Variants in ABCA13 observed in about 807,000 individuals in gnomAD.
ABCA13 encodes ATP-binding cassette sub-family A member 13.
A neutral mutation model predicts 478.7 loss-of-function variants in ABCA13; 476 were observed. The ratio of observed to expected loss-of-function variants is 0.99; its 90% CI spans 0.92 to 1.07. The LOEUF is 1.07. ABCA13 is among the 50% of genes least tolerant of loss of function. The pLI is 0.00. For missense variants in ABCA13, 6,060 were observed against 5,910.6 expected, an observed-to-expected ratio of 1.03 and a Z score of -0.83; for synonymous variants, 2,252 against 2,158.9, an observed-to-expected ratio of 1.04 and a Z score of -1.20.
intron 45 of ABCA13, among the ~76,000 whole-genome samples, chr7:48,477,485 C>T (rs1828242732): frequency 6.6e-6 from 1 of 151,386 alleles, no homozygotes; most frequent in Non-Finnish European, 1.5e-5. Flanking sequence ...GACTTGGAAC[C>T]AACCCAAATG....
rs531614781 is a variant in ABCA13, at chr7:48,190,238, C to T, written c.70-2721C>T. 1.6e-4 allele frequency among the ~76,000 whole-genome samples: 25 copies of T among 152,208 alleles called. No homozygotes were observed. The East Asian group carries it at 1.7e-3, about 11-fold the overall frequency. ...AATCCCATTTGGCAATGGTACCTCA[C>T]GGATCTACTTACAAAAGTCAGCCAA... On this transcript the variant is annotated intron_variant, in intron 1 of 61. Transcript: ENST00000435803.
At chr7:48,622,356 A>G (rs1035881367) in intron 59 of ABCA13, among the ~76,000 whole-genome samples, 1 of 152,058 alleles carries the variant, frequency 6.6e-6, no homozygotes, top group African/African-American at 2.4e-5. Flanking sequence ...CACCTGTGCC[A>G]TTTTCCTCTT....
intron 27 of ABCA13, among the ~76,000 whole-genome samples, chr7:48,323,387 A>G (rs1419168679): frequency 5.9e-5 from 9 of 152,218 alleles, no homozygotes; most frequent in Admixed American, 2.0e-4. Flanking sequence ...CTGGTGTTAA[A>G]TATACAAGGG....
intron 55 of ABCA13, among the ~76,000 whole-genome samples, chr7:48,554,822 T>A (rs1481682239): frequency 6.8e-5 from 10 of 147,368 alleles, no homozygotes; most frequent in South Asian, 2.1e-4. Flanking sequence ...ATTATTATTA[T>A]TTATTATTAT....
chr7:48,537,241 A>C (rs1833644387), intron 55 of ABCA13, among the ~76,000 whole-genome samples: 1 of 152,070 alleles, frequency 6.6e-6, no homozygotes, highest in Non-Finnish European at 1.5e-5. Context: ...TTTTTGATTT[A>C]AGTGTTTTTT....
Position 48,626,687 on chromosome 7 carries a change from A to G in ABCA13, c.14837+11310A>G. 4.1e-6 allele frequency: 4 copies of G among 985,480 alleles called. 1 individual carries two copies. Among genetic ancestry groups the G allele is most frequent in the South Asian group, 9.4e-5 (2 of 21,280 alleles). 61.0% of individuals were successfully genotyped at this position (985,480 alleles called of 1,614,324 possible). A position where few individuals can be genotyped will look rare whatever the true frequency, so the allele number is the denominator to read the frequency against. On this transcript the variant is annotated intron_variant, in intron 59 of 61. Transcript: ENST00000435803. Reference sequence around the variant, plus strand: ...GGTGCAGGAGACGCTGAAGAACACGATAATAGAACTTTACAGCCGGCTGAT... The same window carrying G: ...GGTGCAGGAGACGCTGAAGAACACGGTAATAGAACTTTACAGCCGGCTGAT...
At position 48,273,017 on chromosome 7, in the gene ABCA13, GTC is replaced by G. The variant is rs1457548483; in HGVS notation, c.3353_3354del (p.Ser1118PhefsTer38). On this transcript the variant is annotated frameshift_variant, in exon 17 of 62. Coordinates refer to ENST00000435803, the MANE Select transcript of ABCA13 (RefSeq NM_152701.5). LOFTEE classifies it high-confidence loss of function. ...SSVNYSTSEE[S>X]SFVFPLAQIF... is the part of the protein sequence containing the mutation. ...CCGTAAATTATTCAACAAGTGAGGA[GTC>G]TTCATTTGTTTTTCCATTGGCACAA... 6.2e-7 allele frequency: 1 copy of G among 1,613,658 alleles called. No individual in the cohort carries two copies. Among genetic ancestry groups the G allele is most frequent in the South Asian group, 1.1e-5 (1 of 91,072 alleles).
chr7:48,403,872 C>T lies in ABCA13; in HGVS notation c.12063C>T (p.Tyr4021=). The T allele has an allele frequency of 1.2e-6, 2 of 1,612,958 alleles. No individual in the cohort carries two copies. The highest frequency in any genetic ancestry group is 8.5e-7 in the Non-Finnish European group (1 of 1,179,452). The part of the protein sequence containing the change: ...RHSLWDILLK[Y]REGRTIIFTT... ...GCCTGTGGGACATTCTGCTCAAGTACCGAGAAGGTAGGCACTGGGCCTCAT... is the reference window on the plus strand; with the variant it reads ...GCCTGTGGGACATTCTGCTCAAGTATCGAGAAGGTAGGCACTGGGCCTCAT... The change falls in exon 39 of 62, where the codon TAC becomes TAT. Residue 4021 remains tyrosine (Y), a synonymous_variant. Coordinates refer to ENST00000435803, the MANE Select transcript of ABCA13 (RefSeq NM_152701.5).
intron 24 of ABCA13, among the ~76,000 whole-genome samples, chr7:48,312,349 A>G (rs895106975): frequency 6.6e-6 from 1 of 152,202 alleles, no homozygotes; most frequent in Non-Finnish European, 1.5e-5. Flanking sequence ...ATATTTATTG[A>G]GCAACTAATA....
intron 43 of ABCA13, among the ~76,000 whole-genome samples, chr7:48,464,608 T>C (rs985590394): frequency 5.3e-5 from 8 of 152,200 alleles, no homozygotes; most frequent in African/African-American, 1.2e-4. Context: ...GCATTTCTTC[T>C]CAATTAAATT....
At chr7:48,323,851 C>G (rs111379418) in intron 27 of ABCA13, among the ~76,000 whole-genome samples, 2,443 of 152,280 alleles carry the variant, frequency 0.016, 33 homozygotes, top group Middle Eastern at 0.058. Flanking sequence ...TTTCCCCATA[C>G]TGTTCTCGTG....
chr7:48,384,746 A>G (rs2129047962), intron 35 of ABCA13, among the ~76,000 whole-genome samples: 1 of 152,330 alleles, frequency 6.6e-6, no homozygotes, highest in South Asian at 2.1e-4. Context: ...GGTGGCTCAA[A>G]CAACAGGAAT....
At chr7:48,508,858 G>T (rs181104947) in intron 50 of ABCA13, among the ~76,000 whole-genome samples, 5 of 152,258 alleles carry the variant, frequency 3.3e-5, no homozygotes, top group Non-Finnish European at 5.9e-5. Context: ...TTCCTGTAAG[G>T]TTTATTTCTT....
At chr7:48,244,760 A>G in intron 11 of ABCA13, 57 bp downstream of exon 11, 1 of 1,523,784 alleles carries the variant, frequency 6.6e-7, no homozygotes, top group Non-Finnish European at 8.8e-7. Flanking sequence ...TGTGAAATTT[A>G]TTGGAAAATG....
chr7:48,338,035 G>A (rs1333237044), intron 28 of ABCA13, among the ~76,000 whole-genome samples: 1 of 152,128 alleles, frequency 6.6e-6, no homozygotes, highest in East Asian at 1.9e-4. Context: ...GCCATGCAAA[G>A]GAAAGGAATC....
In ABCA13 at chr7:48,445,008, TTTC is replaced by T. The variant is rs1448338978; in HGVS notation, c.12566-10026_12566-10024del. 1.5e-3 allele frequency among the ~76,000 whole-genome samples: 164 copies of T among 105,844 alleles called. 1 individual carries two copies. In the East Asian group the frequency reaches 0.029, roughly 19 times the overall value. 69.4% of individuals were successfully genotyped at this position (105,844 alleles called of 152,430 possible). A position where few individuals can be genotyped will look rare whatever the true frequency, so the allele number is the denominator to read the frequency against. ...CTTTCTTTCTTTCTCTCTTTCTTTC[TTTC>T]TTTTTTTTTTTTTTGAGACAGAGTT... On this transcript the variant is annotated intron_variant, in intron 42 of 61. Coordinates refer to ENST00000435803, the MANE Select transcript of ABCA13 (RefSeq NM_152701.5).
intron 59 of ABCA13, among the ~76,000 whole-genome samples, chr7:48,617,773 G>A (rs1191900760): frequency 6.6e-6 from 1 of 152,136 alleles, no homozygotes; most frequent in African/African-American, 2.4e-5. Flanking sequence ...ATTCGCCCGT[G>A]ACAGGAAGCT....
At chr7:48,414,119 A>G (rs573149665) in intron 41 of ABCA13, among the ~76,000 whole-genome samples, 11 of 152,358 alleles carry the variant, frequency 7.2e-5, no homozygotes, top group Non-Finnish European at 1.2e-4. Flanking sequence ...CATGATGAAT[A>G]GGAGCTGTTT....
chr7:48,606,473 C>T (rs1791476319), intron 58 of ABCA13, among the ~76,000 whole-genome samples: 1 of 152,130 alleles, frequency 6.6e-6, no homozygotes, highest in African/African-American at 2.4e-5. Context: ...CAGTCAGGCC[C>T]CTCTGCTGCA....
Sources: gnomAD v4.1 joint callset for allele counts (sites outside exome capture counted in the v4.1 genomes callset) on GRCh38, gnomAD v4.1.1 for gene constraint, MANE v1.5 for transcripts, NCBI Gene and HGNC (gene_info 2026-07-23, HGNC 2026-07-21) for gene names.